NUDT12: variants seen among roughly 807,000 people sequenced by gnomAD.
NUDT12 encodes nudix hydrolase 12.
NUDT12 carries 42 observed loss-of-function variants against 45.7 expected under a neutral mutation model. That is an observed-to-expected ratio of 0.92 (90% CI 0.72 to 1.19). NUDT12 has a LOEUF of 1.19. Ranked by LOEUF, NUDT12 falls within the 50% of genes most tolerant of loss-of-function variation. The pLI is 0.00. For missense variants in NUDT12, 590 were observed against 533.1 expected, an observed-to-expected ratio of 1.11 and a Z score of -1.05; for synonymous variants, 206 against 179.7, an observed-to-expected ratio of 1.15 and a Z score of -1.17.
rs1285554427 is a variant in NUDT12, at chr5:103,550,762, T to C, written c.*99A>G. On this transcript the variant is annotated 3_prime_UTR_variant, in exon 7 of 7. Coordinates refer to ENST00000230792, the MANE Select transcript of NUDT12 (RefSeq NM_031438.4). ...CGAAAACCCAACATCGTATTTTGTG[T>C]TGTGACACTCTCAAGAGTACTGAAT... 3 of 758,342 alleles carry C rather than the reference T, an allele frequency of 4.0e-6. No homozygotes were observed. The highest frequency in any genetic ancestry group is 6.6e-6 in the Non-Finnish European group (3 of 456,862). The allele number at this position is 758,342 out of a possible 1,614,324, so 47.0% of individuals were successfully genotyped here.
Position 103,552,328 on chromosome 5 carries a change from T to C in NUDT12, c.1167A>G (p.Pro389=), listed in dbSNP as rs1748679774. ...VGHVQYVACQ[P]WPMPSSLMIG... The stretch of plus-strand genomic sequence containing the variant: ...TCATTAAGGAGGAAGGCATTGGCCA[T>C]GGTTGACAAGCAACATACTGAACAT... Residue 389 remains proline (P), a synonymous_variant, in exon 6 of 7, where the codon CCA becomes CCG. Coordinates refer to ENST00000230792, the MANE Select transcript of NUDT12 (RefSeq NM_031438.4). 2.5e-6 allele frequency: 4 copies of C among 1,613,986 alleles called. No individual in the cohort carries two copies. Among genetic ancestry groups the C allele is most frequent in the Non-Finnish European group, 3.4e-6 (4 of 1,179,888 alleles).
At position 103,558,946 on chromosome 5, in the gene NUDT12, T is replaced by C. The variant is rs1279581131; in HGVS notation, c.729A>G (p.Arg243=). ...GATGAAGAAAGTAACAATTTTCATG[T>C]CTTTGCTTGAATTCTTCAGCAGCAA... ...DPIAAEEFKQ[R]HENCYFLHPP... The change falls in exon 3 of 7, where the codon AGA becomes AGG. Residue 243 remains arginine (R), a synonymous_variant. Transcript: ENST00000230792. 6.2e-7 allele frequency: 1 copy of C among 1,611,530 alleles called. No individual in the cohort carries two copies. The highest frequency in any genetic ancestry group is 2.2e-5 in the East Asian group (1 of 44,804).
chr5:103,556,833 T>C (rs1043123010), intron 3 of NUDT12, among the ~76,000 whole-genome samples: 12 of 151,982 alleles, frequency 7.9e-5, no homozygotes, highest in African/African-American at 2.9e-4. Context: ...CTCCCTAAAA[T>C]AGATTATTTG....
At chr5:103,558,799 T>C in intron 3 of NUDT12, 80 bp downstream of exon 3, 1 of 936,504 alleles carries the variant, frequency 1.1e-6, no homozygotes, top group East Asian at 2.7e-5. Flanking sequence ...AGAGTGCCCC[T>C]GGAAAGTGCA....
chr5:103,553,240 T>C (rs1440145373), intron 5 of NUDT12, among the ~76,000 whole-genome samples: 2 of 151,956 alleles, frequency 1.3e-5, no homozygotes, highest in Non-Finnish European at 2.9e-5. Flanking sequence ...TGCAAAACCA[T>C]AACTAACAAA....
intron 3 of NUDT12, among the ~76,000 whole-genome samples, chr5:103,556,504 A>T (rs2112451887): frequency 6.6e-6 from 1 of 152,154 alleles, no homozygotes; most frequent in Non-Finnish European, 1.5e-5. Flanking sequence ...ACTCTAAAGG[A>T]AATATTACTA....
chr5:103,559,813 T>A (rs1338276356), intron 2 of NUDT12: 1 of 531,704 alleles, frequency 1.9e-6, no homozygotes, highest in African/African-American at 1.9e-5. Context: ...GGAAAATTTA[T>A]AATTAGACTC....
rs184778499 is a variant in NUDT12, at chr5:103,550,454, A to T, written c.*407T>A. On this transcript the variant is annotated 3_prime_UTR_variant, in exon 7 of 7. Transcript: ENST00000230792. ...AGCTAATACAAGCTAAAAATTCATT[A>T]AAATTACTTTGATTCATTTCTCAAA... 6.4e-6 allele frequency: 1 copy of T among 156,260 alleles called. No homozygotes were observed. The highest frequency in any genetic ancestry group is 2.4e-5 in the African/African-American group (1 of 41,482). The allele number at this position is 156,260 out of a possible 1,614,324, so 9.7% of individuals were successfully genotyped here.
rs764439605 is a variant in NUDT12 at position 103,550,987 on chromosome 5, A to G, written c.1279-16T>C. The G allele has an allele frequency of 1.3e-6, 2 of 1,539,736 alleles. No individual in the cohort carries two copies. The highest frequency in any genetic ancestry group is 4.5e-5 in the East Asian group (2 of 44,470). ...CATCCAGGACCTAAAACACACCATA[A>G]TAGAATGCATTAGGATTTCAAAGCT... On this transcript the variant is annotated splice_polypyrimidine_tract_variant and intron_variant, in intron 6 of 6. Coordinates refer to ENST00000230792, the MANE Select transcript of NUDT12 (RefSeq NM_031438.4).
chr5:103,558,126 C>T (rs958923405), intron 3 of NUDT12, among the ~76,000 whole-genome samples: 1 of 152,006 alleles, frequency 6.6e-6, no homozygotes, highest in Non-Finnish European at 1.5e-5. Flanking sequence ...AATTCAATAG[C>T]AAAGACCAGT....
chr5:103,551,264 G>C (rs1004793278), intron 6 of NUDT12, among the ~76,000 whole-genome samples: 1 of 151,922 alleles, frequency 6.6e-6, no homozygotes, highest in African/African-American at 2.4e-5. Flanking sequence ...GGTACCATAG[G>C]TGCACCTGGC....
At chr5:103,561,648 C>T (rs1176585390) in intron 1 of NUDT12, among the ~76,000 whole-genome samples, 4 of 152,184 alleles carry the variant, frequency 2.6e-5, no homozygotes, top group Non-Finnish European at 1.5e-5. Flanking sequence ...TATTTTGAAG[C>T]ACTGCTGTAC....
In NUDT12 at chr5:103,554,807, G is replaced by C. The variant is rs1306026207; in HGVS notation, c.1011C>G (p.Cys337Trp). 6.4e-7 allele frequency: 1 copy of C among 1,565,144 alleles called. No homozygotes were observed. The highest frequency in any genetic ancestry group is 8.7e-7 in the Non-Finnish European group (1 of 1,151,368). Reference protein sequence around the residue: ...MQVIHPDGTKCLLGRQKRFPP... With the variant: ...MQVIHPDGTKWLLGRQKRFPP... ...GAAATCTTTTCTGCCTGCCTAAAAG[G>C]CATTTGGTCCCATCTGGATGAATAA... is the stretch of plus-strand genomic sequence containing the variant. The change falls in exon 5 of 7, where the codon TGC becomes TGG. Residue 337 changes from cysteine (C) to tryptophan (W), a missense_variant. Cys to Trp is a radical substitution (Grantham distance 215, BLOSUM62 -2). Transcript: ENST00000230792.
In NUDT12 at chr5:103,550,578, A is replaced by G; in HGVS notation, c.*283T>C. The G allele has an allele frequency of 4.3e-6, 1 of 231,602 alleles. No homozygotes were observed. The highest frequency in any genetic ancestry group is 8.5e-6 in the Non-Finnish European group (1 of 117,184). The allele number at this position is 231,602 out of a possible 1,614,324, so 14.3% of individuals were successfully genotyped here. A position where few individuals can be genotyped will look rare whatever the true frequency, so the allele number is the denominator to read the frequency against. ...TTCCAACATGATGTCTCTTATTAGA[A>G]AAATGGTTTTGTGAGATAAAACTGT... On this transcript the variant is annotated 3_prime_UTR_variant, in exon 7 of 7. Transcript: ENST00000230792.
intron 1 of NUDT12, 41 bp from the exon 2 acceptor site, chr5:103,560,295 C>T: frequency 7.8e-7 from 1 of 1,280,170 alleles, no homozygotes. Flanking sequence ...TTATTTGCAA[C>T]TGCTTTTTTA....
intron 3 of NUDT12, among the ~76,000 whole-genome samples, chr5:103,558,146 T>C (rs1313962257): frequency 6.6e-6 from 1 of 152,052 alleles, no homozygotes; most frequent in Non-Finnish European, 1.5e-5. Flanking sequence ...TGATTTTCTC[T>C]CCAAACTTTA....
chr5:103,551,658 C>A (rs1374440350), intron 6 of NUDT12, among the ~76,000 whole-genome samples: 3 of 152,008 alleles, frequency 2.0e-5, no homozygotes, highest in Non-Finnish European at 4.4e-5. Context: ...TAATTTTATG[C>A]AGGCAAAGTC....
Position 103,559,224 on chromosome 5 carries a change from T to A in NUDT12, c.451A>T (p.Ile151Phe). The A allele has an allele frequency of 1.3e-6, 2 of 1,565,316 alleles. No individual in the cohort carries two copies. Among genetic ancestry groups the A allele is most frequent in the Non-Finnish European group, 1.7e-6 (2 of 1,159,996 alleles). The change falls in exon 3 of 7, where the codon ATT (isoleucine) becomes TTT (phenylalanine). Residue 151 changes from isoleucine (I) to phenylalanine (F), a missense_variant. Transcript: ENST00000230792. ...AKESHPATVF[I>F]LFSDLNPLVT... ...AAGGGATTTAAATCTGAGAAAAGAA[T>A]AAAAACTGTGGCTGGATGGCTTTCT...
At chr5:103,558,105 A>G (rs1748888363) in intron 3 of NUDT12, among the ~76,000 whole-genome samples, 1 of 152,020 alleles carries the variant, frequency 6.6e-6, no homozygotes, top group Non-Finnish European at 1.5e-5. Context: ...ATTATTATAT[A>G]TCCCATATCC....
Sources: allele counts gnomAD v4.1 joint callset (sites outside exome capture counted in the v4.1 genomes callset), GRCh38; gene constraint gnomAD v4.1.1; transcripts MANE v1.5; gene names NCBI Gene and HGNC (gene_info 2026-07-23, HGNC 2026-07-21).